Variants in TAOK1 observed in about 807,000 individuals in gnomAD.
The protein encoded by TAOK1 is TAO kinase 1.
A neutral mutation model predicts 138.3 loss-of-function variants in TAOK1; 21 were observed. The observed-to-expected ratio is 0.15, with a 90% CI of 0.11 to 0.22. The LOEUF is 0.22. Among genes scored for constraint, TAOK1 ranks in the 10% least tolerant of loss-of-function variants. TAOK1 has a pLI of 1.00. For missense variants in TAOK1, 651 were observed against 1,227.7 expected (o/e 0.53, Z 7.02); for synonymous variants, 361 against 398.4 (o/e 0.91, Z 1.12).
Position 29,543,212 on chromosome 17 carries a change from C to A in TAOK1, c.*190C>A. On this transcript the variant is annotated 3_prime_UTR_variant, in exon 20 of 20. Coordinates refer to ENST00000261716, the MANE Select transcript of TAOK1 (RefSeq NM_020791.4). Reference sequence around the variant, plus strand: ...TTGGGATGTCATAGTACTTGGCTGCCGGGTTTGTTTGTTTTTGGGGAAATT... The same window carrying A: ...TTGGGATGTCATAGTACTTGGCTGCAGGGTTTGTTTGTTTTTGGGGAAATT... 1.9e-6 allele frequency: 1 copy of A among 513,612 alleles called. No individual in the cohort carries two copies. Among genetic ancestry groups the A allele is most frequent in the Non-Finnish European group, 3.3e-6 (1 of 307,204 alleles). 31.8% of individuals were successfully genotyped at this position (513,612 alleles called of 1,614,324 possible).
chr17:29,523,184 A>G (rs576426), intron 17 of TAOK1, among the ~76,000 whole-genome samples: 59,873 of 151,788 alleles, frequency 0.39, 12,726 homozygotes, highest in Non-Finnish European at 0.48. Context: ...TAAAATTTTA[A>G]AACCCTAATT....
chr17:29,506,070 C>T (rs2031625011), intron 13 of TAOK1, among the ~76,000 whole-genome samples: 1 of 152,156 alleles, frequency 6.6e-6, no homozygotes, highest in Non-Finnish European at 1.5e-5. Context: ...CCTCAAAAAA[C>T]TAAAAATAGA....
intron 1 of TAOK1, among the ~76,000 whole-genome samples, chr17:29,438,916 A>T (rs1437208367): frequency 3.3e-5 from 5 of 152,188 alleles, no homozygotes; most frequent in Non-Finnish European, 7.3e-5. Flanking sequence ...GAAAAGTTGC[A>T]AGTCTAGTAA....
chr17:29,433,641 C>T (rs1029009717), intron 1 of TAOK1, among the ~76,000 whole-genome samples: 10 of 152,092 alleles, frequency 6.6e-5, no homozygotes, highest in South Asian at 4.2e-4. Context: ...TCCACAAGGC[C>T]AGAGTCTCCT....
At chr17:29,445,224 G>A (rs149792200) in intron 1 of TAOK1, 1 of 152,292 alleles carries the variant, frequency 6.6e-6, no homozygotes, top group East Asian at 1.9e-4. Flanking sequence ...TGAAGAATGG[G>A]GTATCCATCC....
At position 29,534,041 on chromosome 17, in the gene TAOK1, C is replaced by T. The variant is rs146154245; in HGVS notation, c.2362-77C>T. 9.7e-5 allele frequency: 137 copies of T among 1,415,462 alleles called. 1 individual carries two copies. Among genetic ancestry groups the T allele is most frequent in the Non-Finnish European group, 1.2e-4 (129 of 1,075,774 alleles). 87.7% of individuals were successfully genotyped at this position (1,415,462 alleles called of 1,614,324 possible). ...AGTAGTCTGTCTTCTAACACTCCTC[C>T]TCCTTTCCATAGGTCATGAATTGAT... On this transcript the variant is annotated intron_variant, in intron 18 of 19. Transcript: ENST00000261716.
chr17:29,421,652 G>T (rs1402114529), intron 1 of TAOK1, among the ~76,000 whole-genome samples: 1 of 152,136 alleles, frequency 6.6e-6, no homozygotes, highest in Non-Finnish European at 1.5e-5. Flanking sequence ...AGGCTGGAGT[G>T]TAGTGGTGCC....
At chr17:29,391,435 C>T (rs910588848) in intron 1 of TAOK1, among the ~76,000 whole-genome samples, 2 of 152,162 alleles carry the variant, frequency 1.3e-5, no homozygotes, top group African/African-American at 4.8e-5. Flanking sequence ...GTGGATTCCA[C>T]CCCCTAGCAC....
intron 1 of TAOK1, among the ~76,000 whole-genome samples, chr17:29,425,181 T>G (rs1456531388): frequency 6.6e-6 from 1 of 152,206 alleles, no homozygotes; most frequent in Non-Finnish European, 1.5e-5. Flanking sequence ...GGGATTCTCC[T>G]GCCTCAGCTT....
rs759973759 is a variant in TAOK1, at chr17:29,542,974, G to T, written c.2958G>T (p.Thr986=). 6.2e-7 allele frequency: 1 copy of T among 1,609,650 alleles called. No individual in the cohort carries two copies. The highest frequency in any genetic ancestry group is 1.1e-5 in the South Asian group (1 of 90,858). Residue 986 remains threonine (T), a synonymous_variant, in exon 20 of 20, where the codon ACG becomes ACT. Transcript: ENST00000261716. Reference sequence around the variant, plus strand: ...CGGAGCAGGGCATGAGCAGAAGCACGAGTGTCACTTCACAAATATCCAATG... The same window carrying T: ...CGGAGCAGGGCATGAGCAGAAGCACTAGTGTCACTTCACAAATATCCAATG... ...GRTEQGMSRS[T]SVTSQISNGS...
Position 29,510,890 on chromosome 17 carries a change from A to G in TAOK1, c.1602A>G (p.Lys534=), listed in dbSNP as rs770366251. ...KEAKVMSNEE[K]KFQQHIQAQQ... is the part of the protein sequence containing the mutation. ...CTAAAGTGATGTCCAATGAAGAGAA[A>G]AAATTTCAGCAACATATTCAGGCCC... The change falls in exon 15 of 20, where the codon AAA becomes AAG. Residue 534 remains lysine (K), a synonymous_variant. Coordinates refer to ENST00000261716, the MANE Select transcript of TAOK1 (RefSeq NM_020791.4). The G allele has an allele frequency of 2.5e-6, 4 of 1,604,876 alleles. No individual in the cohort carries two copies. In the South Asian group the frequency reaches 3.4e-5, roughly 14 times the overall value.
chr17:29,420,392 C>T (rs910186907), intron 1 of TAOK1, among the ~76,000 whole-genome samples: 2 of 151,934 alleles, frequency 1.3e-5, no homozygotes, highest in Admixed American at 6.6e-5. Flanking sequence ...TCACTTATTT[C>T]TGGTAGCTAT....
At chr17:29,405,567 T>G (rs1326087411) in intron 1 of TAOK1, among the ~76,000 whole-genome samples, 1 of 151,702 alleles carries the variant, frequency 6.6e-6, no homozygotes, top group Admixed American at 6.6e-5. Context: ...TCACCTGAGG[T>G]CAGGAGTTTG....
At chr17:29,496,625 T>C (rs2031420010) in intron 11 of TAOK1, among the ~76,000 whole-genome samples, 1 of 144,124 alleles carries the variant, frequency 6.9e-6, no homozygotes, top group African/African-American at 2.6e-5. Flanking sequence ...TCTTGCTCTG[T>C]AGCCCAGTTT....
At chr17:29,506,847 C>T (rs1302693766) in intron 13 of TAOK1, among the ~76,000 whole-genome samples, 3 of 152,076 alleles carry the variant, frequency 2.0e-5, no homozygotes, top group Non-Finnish European at 2.9e-5. Flanking sequence ...GGAAAGAACA[C>T]AAATGTCCAT....
chr17:29,441,040 TTAATCA>T (rs2029927954), intron 1 of TAOK1, among the ~76,000 whole-genome samples: 1 of 152,224 alleles, frequency 6.6e-6, no homozygotes, highest in Non-Finnish European at 1.5e-5. Context: ...TAAGTGCCAC[TTAATCA>T]TAATGTATAA....
intron 1 of TAOK1, among the ~76,000 whole-genome samples, chr17:29,410,488 G>A (rs909678011): frequency 1.3e-5 from 2 of 151,832 alleles, no homozygotes; most frequent in Admixed American, 1.3e-4. Flanking sequence ...CCTGACCTCA[G>A]GTGATCCGCC....
At chr17:29,449,363 T>C (rs1449249153) in intron 1 of TAOK1, among the ~76,000 whole-genome samples, 1 of 152,156 alleles carries the variant, frequency 6.6e-6, no homozygotes, top group Non-Finnish European at 1.5e-5. Flanking sequence ...GCCTTGGATA[T>C]ATATTAGAAA....
chr17:29,541,926 G>A (rs531359266), intron 19 of TAOK1, among the ~76,000 whole-genome samples: 1 of 151,822 alleles, frequency 6.6e-6, no homozygotes, highest in South Asian at 2.1e-4. Context: ...CCAGGCTGGA[G>A]TGCAGTGGCA....
Sources: gnomAD v4.1 joint callset for allele counts (sites outside exome capture counted in the v4.1 genomes callset) on GRCh38, gnomAD v4.1.1 for gene constraint, MANE v1.5 for transcripts, NCBI Gene and HGNC (gene_info 2026-07-23, HGNC 2026-07-21) for gene names.